Variants in SLC22A24 observed in about 807,000 individuals in gnomAD.
SLC22A24 encodes steroid transmembrane transporter SLC22A24.
A neutral mutation model predicts 49.8 loss-of-function variants in SLC22A24; 53 were observed. The observed-to-expected ratio is 1.06, with a 90% CI of 0.85 to 1.34. The LOEUF is 1.34. Among genes scored for constraint, SLC22A24 ranks in the 40% most tolerant of loss-of-function variants. The pLI is 0.00. For synonymous variants in SLC22A24, 302 were observed against 256.4 expected, an observed-to-expected ratio of 1.18 and a Z score of -1.70; for missense variants, 786 against 675.9, an observed-to-expected ratio of 1.16 and a Z score of -1.81.
At chr11:63,120,334 G>T (rs1303398340) in intron 2 of SLC22A24, among the ~76,000 whole-genome samples, 2 of 148,730 alleles carry the variant, frequency 1.3e-5, no homozygotes, top group Admixed American at 1.3e-4. Flanking sequence ...GGATAGCATT[G>T]GGAGATATAC....
chr11:63,123,908 G>A (rs1012880600), intron 2 of SLC22A24, among the ~76,000 whole-genome samples: 1 of 152,112 alleles, frequency 6.6e-6, no homozygotes, highest in African/African-American at 2.4e-5. Flanking sequence ...ACTCAGTGGA[G>A]GAGTAAGTCT....
At chr11:63,118,604 C>T in intron 4 of SLC22A24, 1 of 541,408 alleles carries the variant, frequency 1.8e-6, no homozygotes, top group Non-Finnish European at 3.3e-6. Context: ...CAAATTATCT[C>T]CATCACATAA....
At position 63,135,916 on chromosome 11, in the gene SLC22A24, A is replaced by G. The variant is rs2087370862; in HGVS notation, c.403-1148T>C. ...GGCTGGCCATCGGAAGTCAACAATG[A>G]CCAGTTGAGAGCAATCATCGAAGCT... On this transcript the variant is annotated intron_variant, in intron 1 of 9. Coordinates refer to ENST00000612278, the MANE Select transcript of SLC22A24 (RefSeq NM_001136506.2). Among the ~76,000 whole-genome samples the G allele has an allele frequency of 5.3e-5, 8 of 152,198 alleles. No homozygotes were observed. The South Asian group carries it at 1.7e-3, about 32-fold the overall frequency.
At chr11:63,130,430 A>C (rs1283938676) in intron 2 of SLC22A24, among the ~76,000 whole-genome samples, 1 of 152,154 alleles carries the variant, frequency 6.6e-6, no homozygotes, top group Admixed American at 6.5e-5. Flanking sequence ...TGTTGGTCAA[A>C]AATTCTCTTT....
In SLC22A24 at chr11:63,118,915, G is replaced by C; in HGVS notation, c.827C>G (p.Ser276Cys). The C allele has an allele frequency of 6.4e-7, 1 of 1,552,046 alleles. No individual in the cohort carries two copies. ...STPIIVLFLS[S>C]WKMVESARWL... ...AGAATGTGGAGATTGTTCATACCAA[G>C]AGGACAAGAAGAGGACAATTATGGG... The change falls in exon 4 of 10, where the codon TCT (serine) becomes TGT (cysteine). Residue 276 changes from serine to cysteine, a missense_variant. Ser to Cys is a moderately radical substitution (Grantham distance 112). Coordinates refer to ENST00000612278, the MANE Select transcript of SLC22A24 (RefSeq NM_001136506.2).
At chr11:63,104,126 G>A (rs1449753109) in intron 5 of SLC22A24, 49 bp downstream of exon 5, 2 of 1,539,282 alleles carry the variant, frequency 1.3e-6, no homozygotes, top group Non-Finnish European at 1.7e-6. Flanking sequence ...ATGATTGTGA[G>A]GTCATGTTTT....
At chr11:63,113,529 A>G (rs1208404677) in intron 4 of SLC22A24, among the ~76,000 whole-genome samples, 1 of 151,974 alleles carries the variant, frequency 6.6e-6, no homozygotes, top group Non-Finnish European at 1.5e-5. Flanking sequence ...GTTTGGCTGT[A>G]TATGAAATTC....
rs116124569 is a variant in SLC22A24 at position 63,131,917 on chromosome 11, A to G, written c.506+2748T>C. 6.0e-3 allele frequency among the ~76,000 whole-genome samples: 915 copies of G among 152,308 alleles called. 20 individuals are homozygous for G. The highest frequency in any genetic ancestry group is 0.021 in the African/African-American group (870 of 41,568). ...TTTCCCTGTCACTTTCAGGTACACCAATCAATCATATATTTGGTCTTTTCA... is the reference window on the plus strand; with the variant it reads ...TTTCCCTGTCACTTTCAGGTACACCGATCAATCATATATTTGGTCTTTTCA... On this transcript the variant is annotated intron_variant, in intron 2 of 9. Transcript: ENST00000612278.
rs759847274 is a variant in SLC22A24, at chr11:63,129,073, C to T, written c.506+5592G>A. Among the ~76,000 whole-genome samples the T allele has an allele frequency of 5.9e-5, 9 of 152,296 alleles. No homozygotes were observed. In the South Asian group the frequency reaches 6.2e-4, roughly 11 times the overall value. ...GCTCATGCCTAAGTCCTGAATGGTACTGCCTAGGTTTTCTCTAGGGCTTTT... is the reference window on the plus strand; with the variant it reads ...GCTCATGCCTAAGTCCTGAATGGTATTGCCTAGGTTTTCTCTAGGGCTTTT... On this transcript the variant is annotated intron_variant, in intron 2 of 9. Coordinates refer to ENST00000612278, the MANE Select transcript of SLC22A24 (RefSeq NM_001136506.2).
intron 2 of SLC22A24, among the ~76,000 whole-genome samples, chr11:63,128,087 A>G (rs1227567510): frequency 6.6e-6 from 1 of 151,942 alleles, no homozygotes; most frequent in African/African-American, 2.4e-5. Flanking sequence ...TAGATGATAG[A>G]TATGATTATA....
intron 2 of SLC22A24, among the ~76,000 whole-genome samples, chr11:63,133,378 T>C (rs1481726307): frequency 1.3e-5 from 2 of 152,154 alleles, no homozygotes; most frequent in East Asian, 3.9e-4. Context: ...AATGTAGAAA[T>C]CACCCATCTT....
At chr11:63,118,701 C>A in intron 4 of SLC22A24, 1 of 525,838 alleles carries the variant, frequency 1.9e-6, no homozygotes, top group East Asian at 3.0e-5. Flanking sequence ...ATGATAATTC[C>A]ATGTCTAAAA....
In SLC22A24 at chr11:63,095,476, A is replaced by G. The variant is rs140571666; in HGVS notation, c.1070+515T>C. On this transcript the variant is annotated intron_variant, in intron 6 of 9. Coordinates refer to ENST00000612278, the MANE Select transcript of SLC22A24 (RefSeq NM_001136506.2). ...GGTACACAGATAGCATGATTCCATTAATATTAAATTCAAGAACCAGCAAAT... is the reference window on the plus strand; with the variant it reads ...GGTACACAGATAGCATGATTCCATTGATATTAAATTCAAGAACCAGCAAAT... 2.3e-3 allele frequency among the ~76,000 whole-genome samples: 346 copies of G among 152,298 alleles called. 2 individuals are homozygous for G. Among genetic ancestry groups the G allele is most frequent in the African/African-American group, 8.2e-3 (340 of 41,572 alleles).
At chr11:63,130,966 G>C (rs1323085418) in intron 2 of SLC22A24, among the ~76,000 whole-genome samples, 1 of 151,764 alleles carries the variant, frequency 6.6e-6, no homozygotes, top group African/African-American at 2.4e-5. Flanking sequence ...TCCTGTATTG[G>C]GTGTATATAT....
intron 4 of SLC22A24, chr11:63,116,438 G>A (rs1366846558): frequency 1.3e-5 from 2 of 159,176 alleles, no homozygotes; most frequent in Non-Finnish European, 2.8e-5. Context: ...CTGCCTTGCA[G>A]ACTCTGTTTT....
intron 1 of SLC22A24, among the ~76,000 whole-genome samples, chr11:63,142,083 C>T (rs2087419118): frequency 6.6e-6 from 1 of 152,054 alleles, no homozygotes; most frequent in Admixed American, 6.6e-5. Flanking sequence ...CATTATTTAC[C>T]TTATAGCATG....
chr11:63,094,986 T>G (rs779354387), intron 6 of SLC22A24, among the ~76,000 whole-genome samples: 17 of 152,190 alleles, frequency 1.1e-4, no homozygotes, highest in Non-Finnish European at 1.9e-4. Context: ...TTTAGTTTAA[T>G]TAGATCCCAT....
chr11:63,115,193 G>A (rs571490237), intron 4 of SLC22A24, among the ~76,000 whole-genome samples: 2 of 152,324 alleles, frequency 1.3e-5, no homozygotes, highest in Admixed American at 1.3e-4. Context: ...AAGGCAGTAG[G>A]CCTGGCTGAG....
chr11:63,143,492 C>G lies in SLC22A24; in HGVS notation c.288G>C (p.Trp96Cys), dbSNP rs747223748. ...AGGTCCCGTTCAGGTGAAGGAGCTG[C>G]CACTGGGGATGGATAAAGCGCTGAC... Reference protein sequence around the residue: ...QKCQRFIHPQWQLLHLNGTFP... With the variant: ...QKCQRFIHPQCQLLHLNGTFP... The change falls in exon 1 of 10, where the codon TGG (tryptophan) becomes TGC (cysteine). Residue 96 changes from tryptophan (W) to cysteine (C), a missense_variant. Transcript: ENST00000612278. 4.4e-6 allele frequency: 7 copies of G among 1,600,520 alleles called. No individual in the cohort carries two copies. The East Asian group carries it at 6.9e-5, about 16-fold the overall frequency.
Sources: gnomAD v4.1 joint callset for allele counts (sites outside exome capture counted in the v4.1 genomes callset) on GRCh38, gnomAD v4.1.1 for gene constraint, MANE v1.5 for transcripts, NCBI Gene and HGNC (gene_info 2026-07-23, HGNC 2026-07-21) for gene names.